CCDC171: variants seen among roughly 807,000 people sequenced by gnomAD.
CCDC171 encodes coiled-coil domain-containing protein 171.
CCDC171 carries 177 observed loss-of-function variants against 168.2 expected under a neutral mutation model. The ratio of observed to expected loss-of-function variants is 1.05; its 90% CI spans 0.93 to 1.19. The LOEUF (loss-of-function observed/expected upper bound fraction) is 1.19, where lower values mean the gene tolerates loss of function less well. Ranked by LOEUF, CCDC171 falls within the 50% of genes most tolerant of loss-of-function variation. The pLI is 0.00. For synonymous variants in CCDC171, 687 were observed against 540.8 expected, an observed-to-expected ratio of 1.27 and a Z score of -3.75; for missense variants, 1,991 against 1,539.0, an observed-to-expected ratio of 1.29 and a Z score of -4.91.
At chr9:15,874,988 A>G (rs563127888) in intron 24 of CCDC171, 4 of 168,302 alleles carry the variant, frequency 2.4e-5, no homozygotes, top group African/African-American at 9.5e-5. Context: ...TCTTTAAGCA[A>G]GTCTCAATTT....
At chr9:16,017,923 A>T (rs1833070180) in intron 3 of CCDC171, among the ~76,000 whole-genome samples, 1 of 152,206 alleles carries the variant, frequency 6.6e-6, no homozygotes, top group Non-Finnish European at 1.5e-5. Flanking sequence ...CACAATGGAG[A>T]AGCTACTATA....
chr9:15,598,700 T>A (rs1343453981), intron 6 of CCDC171, among the ~76,000 whole-genome samples: 1 of 152,132 alleles, frequency 6.6e-6, no homozygotes, highest in Non-Finnish European at 1.5e-5. Flanking sequence ...TTCCTGGATA[T>A]CCTTGTTAAC....
chr9:15,974,267 C>G (rs1428199142), downstream of CCDC171, among the ~76,000 whole-genome samples: 1 of 151,974 alleles, frequency 6.6e-6, no homozygotes, highest in Non-Finnish European at 1.5e-5. Flanking sequence ...TCAGACCCAG[C>G]AGGAGGAGAA....
chr9:15,727,861 TC>T lies in CCDC171; in HGVS notation c.1693-6del. ...CAGCAATTAATTTTTCTTTTTTTTT[TC>T]CTGCAGGAGAAGCTAACCTTCCTTC... On this transcript the variant is annotated splice_polypyrimidine_tract_variant and splice_region_variant and intron_variant, in intron 14 of 25. Transcript: ENST00000380701. 3 of 1,594,746 alleles carry T rather than the reference TC, an allele frequency of 1.9e-6. No individual in the cohort carries two copies. The highest frequency in any genetic ancestry group is 1.1e-5 in the South Asian group (1 of 87,362).
At chr9:16,036,122 C>T (rs935781707) in exon 8 of CCDC171, 1 of 152,236 alleles carries the variant, frequency 6.6e-6, no homozygotes, top group Non-Finnish European at 1.5e-5. Flanking sequence ...TCTTTCTCCA[C>T]AGACCAACAG....
At chr9:15,869,797 T>C (rs2061955927) in intron 23 of CCDC171, among the ~76,000 whole-genome samples, 3 of 151,656 alleles carry the variant, frequency 2.0e-5, no homozygotes, top group South Asian at 2.1e-4. Flanking sequence ...TCTGGAAAAA[T>C]TGAAGAAAGG....
chr9:15,791,406 T>C (rs1252859422), intron 21 of CCDC171, among the ~76,000 whole-genome samples: 1 of 152,088 alleles, frequency 6.6e-6, no homozygotes, highest in Non-Finnish European at 1.5e-5. Flanking sequence ...TTTTTCTTAT[T>C]GGTGTATAAG....
chr9:15,926,776 G>T (rs1415182144), intron 25 of CCDC171, among the ~76,000 whole-genome samples: 1 of 151,642 alleles, frequency 6.6e-6, no homozygotes, highest in South Asian at 2.1e-4. Context: ...TTATCTGTGT[G>T]TAAAAAGATT....
chr9:15,856,294 A>G (rs969699989), intron 23 of CCDC171, among the ~76,000 whole-genome samples: 1 of 152,008 alleles, frequency 6.6e-6, no homozygotes, highest in Non-Finnish European at 1.5e-5. Context: ...TCCATCTGGC[A>G]TAACTGAAGC....
the CCDC171 span, among the ~76,000 whole-genome samples, chr9:16,067,335 T>A: frequency 6.6e-6 from 1 of 151,826 alleles, no homozygotes; most frequent in Admixed American, 6.6e-5. Flanking sequence ...TAAATTTGTT[T>A]GAGTTCATTG....
intron 11 of CCDC171, among the ~76,000 whole-genome samples, chr9:15,710,061 A>G (rs936206072): frequency 6.6e-5 from 10 of 152,154 alleles, no homozygotes; most frequent in Admixed American, 2.6e-4. Flanking sequence ...AAACATGAAA[A>G]TATGTTTAAT....
intron 6 of CCDC171, among the ~76,000 whole-genome samples, chr9:16,034,600 G>C (rs1833429878): frequency 6.6e-6 from 1 of 152,168 alleles, no homozygotes; most frequent in Non-Finnish European, 1.5e-5. Context: ...GAGTTCTCTT[G>C]AACGCCTCAA....
At chr9:15,611,461 G>C (rs755062846) in intron 6 of CCDC171, among the ~76,000 whole-genome samples, 3 of 152,112 alleles carry the variant, frequency 2.0e-5, no homozygotes, top group Admixed American at 2.0e-4. Context: ...GGAACCTTAC[G>C]ATGTCTTTTT....
intron 24 of CCDC171, among the ~76,000 whole-genome samples, chr9:15,910,082 C>A (rs1823390649): frequency 6.6e-6 from 1 of 152,008 alleles, no homozygotes; most frequent in Non-Finnish European, 1.5e-5. Context: ...AGTTATTTCA[C>A]TTATAATGGC....
At chr9:15,852,759 T>C (rs1448448170) in intron 23 of CCDC171, among the ~76,000 whole-genome samples, 1 of 120,436 alleles carries the variant, frequency 8.3e-6, no homozygotes, top group African/African-American at 3.1e-5. Context: ...TTATATATTC[T>C]ATCATGTAAA....
At chr9:15,854,584 A>G (rs77946992) in intron 23 of CCDC171, among the ~76,000 whole-genome samples, 2,517 of 151,346 alleles carry the variant, frequency 0.017, 91 homozygotes, top group African/African-American at 0.058. Context: ...ATTTTGTATT[A>G]TCTCTGCTCT....
rs181749815 is a variant in CCDC171, at chr9:15,952,687, G to A, written c.3754-18922G>A. On this transcript the variant is annotated intron_variant, in intron 25 of 25. Coordinates refer to ENST00000380701, the MANE Select transcript of CCDC171 (RefSeq NM_173550.4). ...GCTGGGATTACAGGCATGAGCCACC[G>A]CGCGCGGCCAGATTTTGCTATTTCT... 1.2e-4 allele frequency among the ~76,000 whole-genome samples: 19 copies of A among 152,152 alleles called. No individual in the cohort carries two copies. The East Asian group carries it at 1.5e-3, about 12-fold the overall frequency.
chr9:15,745,864 T>C (rs1462895956), intron 18 of CCDC171, among the ~76,000 whole-genome samples: 2 of 152,164 alleles, frequency 1.3e-5, no homozygotes, highest in Non-Finnish European at 1.5e-5. Context: ...CCACCTTTTC[T>C]TTTTTTCTAT....
rs368002809 is a variant in CCDC171, at chr9:15,933,689, A to G, written c.3753+13267A>G. Reference sequence around the variant, plus strand: ...ATAGATTTTGGTACGATATGTTTCCATTCTCATTTGTCTCAGAAAATTTAA... The same window carrying G: ...ATAGATTTTGGTACGATATGTTTCCGTTCTCATTTGTCTCAGAAAATTTAA... On this transcript the variant is annotated intron_variant, in intron 25 of 25. Transcript: ENST00000380701. Among the ~76,000 whole-genome samples the G allele has an allele frequency of 2.0e-5, 3 of 151,916 alleles. No homozygotes were observed. The East Asian group carries it at 5.8e-4, about 29-fold the overall frequency.
Sources: allele counts gnomAD v4.1 joint callset (sites outside exome capture counted in the v4.1 genomes callset), GRCh38; gene constraint gnomAD v4.1.1; transcripts MANE v1.5; gene names NCBI Gene and HGNC (gene_info 2026-07-23, HGNC 2026-07-21).